The following GLCCI1 variants were observed in gnomAD, a reference collection of about 807,000 sequenced individuals.
GLCCI1 encodes the protein glucocorticoid-induced transcript 1 protein.
GLCCI1 carries 24 observed loss-of-function variants against 52.2 expected under a neutral mutation model. That is an observed-to-expected ratio of 0.46 (90% CI 0.33 to 0.65). The LOEUF (loss-of-function observed/expected upper bound fraction) is 0.65, where lower values mean the gene tolerates loss of function less well. GLCCI1 is among the 30% of genes least tolerant of loss of function. The probability of loss-of-function intolerance (pLI) is 0.02; values close to 1 mark genes in which losing one functional copy is unlikely to be tolerated. For missense variants in GLCCI1, 704 were observed against 701.5 expected, an observed-to-expected ratio of 1.00 and a Z score of -0.04; for synonymous variants, 310 against 276.5, an observed-to-expected ratio of 1.12 and a Z score of -1.20.
intron 3 of GLCCI1, chr7:8,024,767 T>TA (rs780742279): frequency 5.9e-5 from 9 of 152,378 alleles, no homozygotes; most frequent in Non-Finnish European, 1.0e-4. Context: ...TTGAGTACTT[T>TA]ACCAAACAAA....
chr7:8,048,051 T>C (rs938174396), intron 3 of GLCCI1, among the ~76,000 whole-genome samples: 6 of 152,180 alleles, frequency 3.9e-5, no homozygotes, highest in Admixed American at 2.6e-4. Flanking sequence ...TCTGTGGAGT[T>C]GGAGCTTGGA....
intron 6 of GLCCI1, among the ~76,000 whole-genome samples, chr7:8,080,841 GTTTTT>G (rs199681673): frequency 7.8e-6 from 1 of 128,258 alleles, no homozygotes; most frequent in Non-Finnish European, 1.7e-5. Context: ...TGGTTTTGGG[GTTTTT>G]TTTTTTTTTT....
At position 8,087,332 on chromosome 7, in the gene GLCCI1, C is replaced by CTGTT. The variant is rs1246121034; in HGVS notation, c.*796_*799dup. The CTGTT allele has an allele frequency of 6.6e-6, 1 of 152,628 alleles. No homozygotes were observed. The highest frequency in any genetic ancestry group is 1.5e-5 in the Non-Finnish European group (1 of 68,050). The allele number at this position is 152,628 out of a possible 1,614,324, so 9.5% of individuals were successfully genotyped here. ...ACAAGTAAAACAACTGTTGCATTCA[C>CTGTT]TGTTTCAACATGTGTACATGTGGCT... is the stretch of plus-strand genomic sequence containing the variant. On this transcript the variant is annotated 3_prime_UTR_variant, in exon 8 of 8. Coordinates refer to ENST00000223145, the MANE Select transcript of GLCCI1 (RefSeq NM_138426.4).
At chr7:8,083,545 T>TA (rs1373869055) in intron 6 of GLCCI1, among the ~76,000 whole-genome samples, 3 of 152,168 alleles carry the variant, frequency 2.0e-5, no homozygotes, top group Non-Finnish European at 4.4e-5. Context: ...GGATAAATAT[T>TA]AAACTTAAGA....
chr7:8,051,795 A>G (rs1782263987), intron 3 of GLCCI1, among the ~76,000 whole-genome samples: 1 of 152,132 alleles, frequency 6.6e-6, no homozygotes, highest in Non-Finnish European at 1.5e-5. Context: ...TACCTGTTCA[A>G]GTCTTTTGCC....
chr7:7,998,310 G>A (rs758195571), intron 1 of GLCCI1, among the ~76,000 whole-genome samples: 10 of 151,894 alleles, frequency 6.6e-5, no homozygotes, highest in East Asian at 5.8e-4. Flanking sequence ...TCCGCCTTTC[G>A]GGTCAAGCAA....
intron 6 of GLCCI1, among the ~76,000 whole-genome samples, chr7:8,082,767 G>GAA (rs1354918345): frequency 1.3e-5 from 2 of 152,096 alleles, no homozygotes; most frequent in Admixed American, 1.3e-4. Flanking sequence ...ATTTTAAGAA[G>GAA]AAAAATTACT....
chr7:8,033,066 G>C (rs1349200473), intron 3 of GLCCI1, among the ~76,000 whole-genome samples: 1 of 151,894 alleles, frequency 6.6e-6, no homozygotes. Context: ...GAGTAAGTGG[G>C]ATTTGTCCAA....
rs1330990548 is a variant in GLCCI1, at chr7:7,994,711, T to C, written c.458-9197T>C. 2.0e-5 allele frequency among the ~76,000 whole-genome samples: 3 copies of C among 152,352 alleles called. No homozygotes were observed. In the East Asian group the frequency reaches 5.8e-4, roughly 29 times the overall value. On this transcript the variant is annotated intron_variant, in intron 1 of 7. Coordinates refer to ENST00000223145, the MANE Select transcript of GLCCI1 (RefSeq NM_138426.4). The stretch of plus-strand genomic sequence containing the variant: ...ATTCAAGTGTAGCACCTTTCTTCCT[T>C]GCTGTCTGTCTGTCGTTAAAATCTA...
chr7:8,010,091 C>T (rs1274287383), intron 2 of GLCCI1, among the ~76,000 whole-genome samples: 3 of 152,098 alleles, frequency 2.0e-5, no homozygotes, highest in South Asian at 2.1e-4. Flanking sequence ...CAGTTAGATG[C>T]GATTTTCTTT....
intron 3 of GLCCI1, among the ~76,000 whole-genome samples, chr7:8,026,284 A>C (rs796410615): frequency 6.6e-6 from 1 of 152,338 alleles, no homozygotes; most frequent in African/African-American, 2.4e-5. Flanking sequence ...AAAAAAACAA[A>C]CACCAGAGGA....
At chr7:8,046,076 G>A (rs1782118014) in intron 3 of GLCCI1, among the ~76,000 whole-genome samples, 2 of 152,076 alleles carry the variant, frequency 1.3e-5, no homozygotes, top group South Asian at 4.1e-4. Context: ...TGCAAATCTT[G>A]TAACAAAATT....
chr7:8,035,379 C>G (rs1344309301), intron 3 of GLCCI1, among the ~76,000 whole-genome samples: 1 of 152,212 alleles, frequency 6.6e-6, no homozygotes, highest in East Asian at 1.9e-4. Context: ...GGATATCTCT[C>G]CTCTGCAGCT....
chr7:8,005,105 T>A (rs1781121538), intron 2 of GLCCI1, among the ~76,000 whole-genome samples: 1 of 152,166 alleles, frequency 6.6e-6, no homozygotes, highest in Non-Finnish European at 1.5e-5. Flanking sequence ...TGGCAGGCAG[T>A]GGAATTTCCA....
At chr7:7,990,615 T>C (rs902013140) in intron 1 of GLCCI1, among the ~76,000 whole-genome samples, 1 of 152,066 alleles carries the variant, frequency 6.6e-6, no homozygotes, top group African/African-American at 2.4e-5. Flanking sequence ...CATAGACTGG[T>C]GTTTTACTGT....
chr7:8,034,934 C>G (rs1434602628), intron 3 of GLCCI1, among the ~76,000 whole-genome samples: 3 of 152,162 alleles, frequency 2.0e-5, no homozygotes, highest in Non-Finnish European at 2.9e-5. Flanking sequence ...ACTACCAGCT[C>G]ATGCTGGGTT....
intron 2 of GLCCI1, among the ~76,000 whole-genome samples, chr7:8,012,654 C>G (rs1334611567): frequency 2.0e-5 from 3 of 151,580 alleles, no homozygotes; most frequent in Admixed American, 1.3e-4. Context: ...ACCGTGTTAG[C>G]CAGGATGGTC....
chr7:8,007,846 A>G (rs1376999256), intron 2 of GLCCI1, among the ~76,000 whole-genome samples: 1 of 152,212 alleles, frequency 6.6e-6, no homozygotes, highest in Non-Finnish European at 1.5e-5. Flanking sequence ...CATATTAAAA[A>G]GAAGTAGCAT....
intron 5 of GLCCI1, among the ~76,000 whole-genome samples, chr7:8,060,989 T>A (rs1302933512): frequency 2.0e-5 from 3 of 152,212 alleles, no homozygotes; most frequent in Non-Finnish European, 4.4e-5. Context: ...TAATTATCTG[T>A]CCTTTTTTAA....
Sources: allele counts gnomAD v4.1 joint callset (sites outside exome capture counted in the v4.1 genomes callset), GRCh38; gene constraint gnomAD v4.1.1; transcripts MANE v1.5; gene names NCBI Gene and HGNC (gene_info 2026-07-23, HGNC 2026-07-21).